Variants in CLASP2 observed in about 807,000 individuals in gnomAD.
The protein encoded by CLASP2 is cytoplasmic linker associated protein 2, also known as CLIP-associating protein 2.
CLASP2 carries 47 observed loss-of-function variants against 194.4 expected under a neutral mutation model. The observed-to-expected ratio is 0.24, with a 90% CI of 0.19 to 0.31. The LOEUF is 0.31. Ranked by LOEUF, CLASP2 falls within the 10% of genes least tolerant of loss-of-function variation. CLASP2 has a pLI of 1.00. For synonymous variants in CLASP2, 619 were observed against 633.5 expected (o/e 0.98, Z 0.34); for missense variants, 1,445 against 1,823.6 (o/e 0.79, Z 3.78).
chr3:33,677,113 A>C (rs1380479195), intron 6 of CLASP2, among the ~76,000 whole-genome samples: 1 of 152,052 alleles, frequency 6.6e-6, no homozygotes, highest in Non-Finnish European at 1.5e-5. Context: ...GTGGGACTGT[A>C]AACTAGTTCA....
chr3:33,599,952 C>T (rs894492177), intron 18 of CLASP2, among the ~76,000 whole-genome samples: 20 of 152,094 alleles, frequency 1.3e-4, no homozygotes, highest in Non-Finnish European at 2.6e-4. Context: ...TAAAGAACAA[C>T]AATAGGTTCT....
chr3:33,624,465 A>G (rs2077648628), intron 10 of CLASP2, among the ~76,000 whole-genome samples: 1 of 152,150 alleles, frequency 6.6e-6, no homozygotes, highest in African/African-American at 2.4e-5. Context: ...GATGATACAC[A>G]AAGAACGACA....
intron 6 of CLASP2, among the ~76,000 whole-genome samples, chr3:33,671,347 G>A (rs1443300881): frequency 6.6e-6 from 1 of 151,936 alleles, no homozygotes; most frequent in Non-Finnish European, 1.5e-5. Flanking sequence ...AAAATTACAT[G>A]GCATTATAAA....
At chr3:33,643,657 C>T (rs1447927043) in intron 8 of CLASP2, among the ~76,000 whole-genome samples, 1 of 151,852 alleles carries the variant, frequency 6.6e-6, no homozygotes, top group Non-Finnish European at 1.5e-5. Flanking sequence ...ATATATCACA[C>T]CATCTTTATT....
intron 20 of CLASP2, 34 bp from the exon 21 acceptor site, chr3:33,592,530 T>C: frequency 6.7e-7 from 1 of 1,495,948 alleles, no homozygotes; most frequent in Non-Finnish European, 9.2e-7. Flanking sequence ...ATTAAAAACA[T>C]TTTTCTATAA....
intron 1 of CLASP2, among the ~76,000 whole-genome samples, chr3:33,701,175 T>G (rs1213474203): frequency 2.6e-5 from 4 of 152,212 alleles, no homozygotes; most frequent in African/African-American, 9.6e-5. Flanking sequence ...CCAGTAGAAT[T>G]TGATGCAGAA....
Position 33,551,405 on chromosome 3 carries a change from A to C in CLASP2, c.3010-10T>G. 6.2e-7 allele frequency: 1 copy of C among 1,610,570 alleles called. No individual in the cohort carries two copies. Among genetic ancestry groups the C allele is most frequent in the Non-Finnish European group, 8.5e-7 (1 of 1,177,740 alleles). ...GGATAGCAACCTTCACCTGCAGAGG[A>C]AAGCACAAAGAGAAAGGACAGAAAG... On this transcript the variant is annotated splice_polypyrimidine_tract_variant and intron_variant, in intron 29 of 38. Transcript: ENST00000682230.
intron 34 of CLASP2, 63 bp downstream of exon 34, chr3:33,535,170 C>A (rs2057099550): frequency 2.6e-6 from 3 of 1,140,200 alleles, no homozygotes; most frequent in Non-Finnish European, 3.9e-6. Context: ...ATATGCATTT[C>A]TTTTACTTCA....
At chr3:33,557,251 G>C (rs1463276787) in intron 29 of CLASP2, among the ~76,000 whole-genome samples, 1 of 152,198 alleles carries the variant, frequency 6.6e-6, no homozygotes, top group Non-Finnish European at 1.5e-5. Context: ...TGGGATTACA[G>C]GTGTGAGCCA....
chr3:33,510,481 T>C (rs1364872281), intron 37 of CLASP2, 77 bp downstream of exon 37: 20 of 1,339,524 alleles, frequency 1.5e-5, no homozygotes, highest in Admixed American at 3.7e-5. Context: ...ATGCCAGTAA[T>C]GATGCCTGGA....
chr3:33,687,187 AAAC>A lies in CLASP2; in HGVS notation c.471-55_471-53del, dbSNP rs2090782260. 4.0e-5 allele frequency: 45 copies of A among 1,128,402 alleles called. 1 individual carries two copies. In the South Asian group the frequency reaches 6.3e-4, roughly 16 times the overall value. 69.9% of individuals were successfully genotyped at this position (1,128,402 alleles called of 1,614,324 possible). A position where few individuals can be genotyped will look rare whatever the true frequency, so the allele number is the denominator to read the frequency against. On this transcript the variant is annotated intron_variant, in intron 4 of 38. Transcript: ENST00000682230. ...AGAAAATTTGTTTTTAATAAACAGT[AAAC>A]AAAATATCCTTATACCTTCTTGTCT...
Position 33,617,858 on chromosome 3 carries a change from T to C in CLASP2, c.1317+1745A>G, listed in dbSNP as rs1306001131. ...CCAAAGATACTGATAAAAGACAATA[T>C]TGGCAAAGGAATGGAGAAAAAGGAC... On this transcript the variant is annotated intron_variant, in intron 12 of 38. Coordinates refer to ENST00000682230, the MANE Select transcript of CLASP2 (RefSeq NM_001365631.1). Among the ~76,000 whole-genome samples, 4 of 150,302 alleles carry C rather than the reference T, an allele frequency of 2.7e-5. 1 individual carries two copies. Among genetic ancestry groups the C allele is most frequent in the Admixed American group, 2.0e-4 (3 of 15,080 alleles).
rs1286809240 is a variant in CLASP2, at chr3:33,614,735, C to T, written c.1318-2664G>A. 3.3e-5 allele frequency among the ~76,000 whole-genome samples: 5 copies of T among 152,272 alleles called. No homozygotes were observed. In the East Asian group the frequency reaches 7.8e-4, roughly 24 times the overall value. On this transcript the variant is annotated intron_variant, in intron 12 of 38. Transcript: ENST00000682230. ...TGGAAGGCCAAGGCAGGCGGATCGC[C>T]TCACTTTCCCAAAGTGCTGGGATTA...
chr3:33,625,074 A>T (rs2077757664), intron 10 of CLASP2, among the ~76,000 whole-genome samples: 1 of 152,000 alleles, frequency 6.6e-6, no homozygotes, highest in African/African-American at 2.4e-5. Context: ...CAAAAATAAA[A>T]GCACCATTGT....
At chr3:33,619,377 T>C (rs561931669) in intron 12 of CLASP2, among the ~76,000 whole-genome samples, 22 of 152,186 alleles carry the variant, frequency 1.4e-4, no homozygotes, top group Admixed American at 5.2e-4. Context: ...TTATTCCATA[T>C]ACAAACATGT....
chr3:33,596,774 G>A, intron 18 of CLASP2, 40 bp from the exon 19 acceptor site: 1 of 1,476,902 alleles, frequency 6.8e-7, no homozygotes, highest in Non-Finnish European at 9.2e-7. Context: ...GGAAAACTTA[G>A]TATATTAGAA....
At chr3:33,539,055 CAGAGCA>C in intron 32 of CLASP2, 113 bp from the exon 33 acceptor site, 2 of 749,014 alleles carry the variant, frequency 2.7e-6, no homozygotes, top group Non-Finnish European at 3.9e-6. Context: ...TGTATATTCT[CAGAGCA>C]TAATTAGCAA....
intron 8 of CLASP2, among the ~76,000 whole-genome samples, chr3:33,642,254 G>A (rs949609212): frequency 6.6e-6 from 1 of 151,908 alleles, no homozygotes; most frequent in East Asian, 1.9e-4. Flanking sequence ...ATATATAAAA[G>A]AATGCTGACA....
intron 1 of CLASP2, among the ~76,000 whole-genome samples, chr3:33,709,218 G>A (rs1008931874): frequency 4.6e-5 from 7 of 152,088 alleles, no homozygotes; most frequent in African/African-American, 1.4e-4. Flanking sequence ...TTTTCTTCTA[G>A]GAGTTTTACA....
Sources: allele counts gnomAD v4.1 joint callset (sites outside exome capture counted in the v4.1 genomes callset), GRCh38; gene constraint gnomAD v4.1.1; transcripts MANE v1.5; gene names NCBI Gene and HGNC (gene_info 2026-07-23, HGNC 2026-07-21).